Variants in GLYATL2 observed in about 807,000 individuals in gnomAD.
GLYATL2 encodes the protein glycine-N-acyltransferase like 2.
In GLYATL2, 25 loss-of-function variants were observed where a neutral mutation model predicts 21.4. The ratio of observed to expected loss-of-function variants is 1.17; its 90% CI spans 0.85 to 1.63. The LOEUF is 1.63. GLYATL2 is among the 40% of genes most tolerant of loss of function. The pLI, the probability that GLYATL2 is intolerant of heterozygous loss-of-function variation, is 0.00. For missense variants in GLYATL2, 361 were observed against 343.3 expected (o/e 1.05, Z -0.41); for synonymous variants, 114 against 118.2 (o/e 0.96, Z 0.23).
intron 1 of GLYATL2, among the ~76,000 whole-genome samples, chr11:58,861,781 T>C (rs2134595165): frequency 6.6e-6 from 1 of 152,252 alleles, no homozygotes; most frequent in South Asian, 2.1e-4. Flanking sequence ...TCCTCTTTAA[T>C]CCATCTGTTG....
At chr11:58,907,381 T>C (rs1473843704), upstream of GLYATL2, 1 of 456,198 alleles carries the variant, frequency 2.2e-6, no homozygotes, top group African/African-American at 2.0e-5. Context: ...GGTAGTCTGC[T>C]GGAGTGGAAT....
intron 1 of GLYATL2, among the ~76,000 whole-genome samples, chr11:58,864,184 A>C (rs1167238616): frequency 6.6e-6 from 1 of 152,186 alleles, no homozygotes; most frequent in East Asian, 1.9e-4. Context: ...TGGAGGTTGG[A>C]TCTATGGACA....
intron 1 of GLYATL2, among the ~76,000 whole-genome samples, chr11:58,883,794 T>C (rs1017993935): frequency 6.6e-6 from 1 of 152,150 alleles, no homozygotes; most frequent in Non-Finnish European, 1.5e-5. Flanking sequence ...ATATACCAGA[T>C]GAATATCGAT....
At chr11:58,894,618 G>A (rs1854605168) in intron 1 of GLYATL2, among the ~76,000 whole-genome samples, 1 of 151,812 alleles carries the variant, frequency 6.6e-6, no homozygotes, top group African/African-American at 2.4e-5. Flanking sequence ...TAAAAAGTAA[G>A]CCTCCACAAA....
At position 58,838,306 on chromosome 11, in the gene GLYATL2, A is replaced by G. The variant is rs1590713127; in HGVS notation, c.141T>C (p.Asp47=). The change falls in exon 3 of 6, where the codon GAT becomes GAC. Residue 47 remains aspartate, a synonymous_variant. Coordinates refer to ENST00000287275, the MANE Select transcript of GLYATL2 (RefSeq NM_145016.4). ...TGACGATCTGGTAATCTGGCCAGGC[A>G]TCTACCAGCACCTCCATGTTGAAAG... is the stretch of plus-strand genomic sequence containing the variant. ...KNPFNMEVLV[D]AWPDYQIVIT... is the part of the protein sequence containing the mutation. The G allele has an allele frequency of 6.2e-7, 1 of 1,613,408 alleles. No homozygotes were observed. The highest frequency in any genetic ancestry group is 8.5e-7 in the Non-Finnish European group (1 of 1,179,550).
At chr11:58,878,357 C>A in intron 1 of GLYATL2, 1 of 662,520 alleles carries the variant, frequency 1.5e-6, no homozygotes, top group Non-Finnish European at 2.2e-6. Context: ...GTCCATTGAT[C>A]TCTCAGAGTG....
At chr11:58,863,072 GC>G (rs750761846) in intron 1 of GLYATL2, among the ~76,000 whole-genome samples, 1 of 152,146 alleles carries the variant, frequency 6.6e-6, no homozygotes, top group African/African-American at 2.4e-5. Context: ...CTGGTGGTAG[GC>G]TTGGTTCCTG....
At chr11:58,840,017 G>GC (rs1467482616) in intron 1 of GLYATL2, among the ~76,000 whole-genome samples, 2 of 151,960 alleles carry the variant, frequency 1.3e-5, no homozygotes, top group Admixed American at 1.3e-4. Flanking sequence ...CCTCTGGAGA[G>GC]CCCACCACCC....
At chr11:58,836,136 T>G (rs1391881667) in intron 5 of GLYATL2, among the ~76,000 whole-genome samples, 1 of 152,234 alleles carries the variant, frequency 6.6e-6, no homozygotes, top group East Asian at 1.9e-4. Flanking sequence ...TTTTTACAAC[T>G]TTCCAGTTAT....
rs1565086161 is a variant in GLYATL2 at position 58,834,844 on chromosome 11, A to C, written c.477-7T>G. 6 of 1,557,362 alleles carry C rather than the reference A, an allele frequency of 3.9e-6. No individual in the cohort carries two copies. In the South Asian group the frequency reaches 7.4e-5, roughly 19 times the overall value. ...GTTTGAAAAGTTTCCTTCCCTGTGAAGAAAAAGAATTTTACATTTATTCAG... is the reference window on the plus strand; with the variant it reads ...GTTTGAAAAGTTTCCTTCCCTGTGACGAAAAAGAATTTTACATTTATTCAG... On this transcript the variant is annotated splice_polypyrimidine_tract_variant and splice_region_variant and intron_variant, in intron 5 of 5. Transcript: ENST00000287275.
intron 1 of GLYATL2, among the ~76,000 whole-genome samples, chr11:58,873,350 C>T (rs1395104822): frequency 2.0e-5 from 3 of 152,202 alleles, no homozygotes; most frequent in East Asian, 3.9e-4. Context: ...AAGAGGGCAT[C>T]CCTGTCTTGT....
At chr11:58,892,588 GATTA>G (rs1854563207) in intron 1 of GLYATL2, 2 of 258,558 alleles carry the variant, frequency 7.7e-6, no homozygotes, top group Admixed American at 8.0e-5. Flanking sequence ...AAGCATTGAT[GATTA>G]ATCATGTGGG....
At chr11:58,884,370 G>A (rs1854398300) in intron 1 of GLYATL2, among the ~76,000 whole-genome samples, 1 of 152,116 alleles carries the variant, frequency 6.6e-6, no homozygotes, top group Non-Finnish European at 1.5e-5. Flanking sequence ...AAAGTCTCAG[G>A]ATACAAAATC....
upstream of GLYATL2, chr11:58,908,524 AG>A (rs781449901): frequency 2.6e-4 from 55 of 213,242 alleles, no homozygotes; most frequent in South Asian, 1.8e-4. Flanking sequence ...GGATGACCAG[AG>A]GGCTAGACCT....
chr11:58,889,749 G>A (rs950220720), intron 1 of GLYATL2, among the ~76,000 whole-genome samples: 5 of 151,808 alleles, frequency 3.3e-5, no homozygotes, highest in South Asian at 2.1e-4. Context: ...ATATACTACC[G>A]AATATTTTAT....
intron 1 of GLYATL2, among the ~76,000 whole-genome samples, chr11:58,894,958 AAT>A: frequency 2.0e-4 from 1 of 4,966 alleles, no homozygotes; most frequent in South Asian, 0.021. Flanking sequence ...TGCAAAAGCT[AAT>A]ACAGATAATA....
intron 1 of GLYATL2, chr11:58,878,311 A>G: frequency 1.9e-6 from 1 of 531,592 alleles, no homozygotes; most frequent in Non-Finnish European, 3.1e-6. Context: ...CAGGAGCGCT[A>G]AGTGAACAAG....
chr11:58,864,697 C>A (rs1267735639), intron 1 of GLYATL2, among the ~76,000 whole-genome samples: 1 of 148,980 alleles, frequency 6.7e-6, no homozygotes, highest in African/African-American at 2.4e-5. Flanking sequence ...CTCTGCTACA[C>A]GAAGATTCTG....
At chr11:58,907,284 T>C (rs1298430170), upstream of GLYATL2, 3 of 456,188 alleles carry the variant, frequency 6.6e-6, no homozygotes, top group African/African-American at 6.0e-5. Flanking sequence ...GTCACCTTGG[T>C]CTCTCAGCTT....
Sources: gnomAD v4.1 joint callset for allele counts (sites outside exome capture counted in the v4.1 genomes callset) on GRCh38, gnomAD v4.1.1 for gene constraint, MANE v1.5 for transcripts, NCBI Gene and HGNC (gene_info 2026-07-23, HGNC 2026-07-21) for gene names.